The following MUC4 variants were observed in gnomAD, a reference collection of about 807,000 sequenced individuals.
The protein encoded by MUC4 is mucin 4, cell surface associated, also known as mucin-4.
Under a neutral mutation model 257.9 loss-of-function variants are expected in MUC4, and 202 were observed. That is an observed-to-expected ratio of 0.78 (90% CI 0.70 to 0.88). The LOEUF is 0.88. Among genes scored for constraint, MUC4 ranks in the 40% least tolerant of loss-of-function variants. The pLI is 0.00. For synonymous variants in MUC4, 2,351 were observed against 2,757.1 expected (o/e 0.85, Z 4.62); for missense variants, 5,976 against 6,513.7 (o/e 0.92, Z 2.84).
At chr3:195,763,717 G>T (rs1252569523) in intron 11 of MUC4, 76 bp from the exon 12 acceptor site, 1 of 1,351,798 alleles carries the variant, frequency 7.4e-7, no homozygotes, top group Non-Finnish European at 9.9e-7. Flanking sequence ...GCAGTCAGGT[G>T]CGGCACTTGT....
intron 6 of MUC4, 26 bp downstream of exon 6, chr3:195,770,190 T>C (rs1175553691): frequency 6.5e-7 from 1 of 1,547,266 alleles, no homozygotes; most frequent in African/African-American, 1.4e-5. Flanking sequence ...AGATAGCTCC[T>C]GGGAGCTGCC....
At chr3:195,762,023 G>C in intron 14 of MUC4, 64 bp downstream of exon 14, 1 of 1,507,724 alleles carries the variant, frequency 6.6e-7, no homozygotes, top group Non-Finnish European at 8.9e-7. Flanking sequence ...CGGGCCGCCG[G>C]CGTGGGGGTC....
chr3:195,767,556 T>C (rs796377589), intron 7 of MUC4, among the ~76,000 whole-genome samples: 506 of 22,128 alleles, frequency 0.023, 2 homozygotes, highest in East Asian at 0.055. Flanking sequence ...CCATCACCAT[T>C]ACCATTGCCA....
At chr3:195,808,670 T>C (rs530421248) in intron 1 of MUC4, among the ~76,000 whole-genome samples, 2 of 152,328 alleles carry the variant, frequency 1.3e-5, no homozygotes, top group East Asian at 3.9e-4. Flanking sequence ...GCGTCGCTGA[T>C]GCTGGACCTC....
At chr3:195,767,691 C>T (rs1477428109) in intron 7 of MUC4, among the ~76,000 whole-genome samples, 2 of 1,214 alleles carry the variant, frequency 1.6e-3, no homozygotes, top group South Asian at 0.023. Context: ...TCACTGGCCA[C>T]CCCCCAAAAA....
chr3:195,750,991 C>T lies in MUC4; in HGVS notation c.15769G>A (p.Val5257Met). Reference protein sequence around the residue: ...FLNNQLLAAVVEAFLYHVPRR... With the variant: ...FLNNQLLAAVMEAFLYHVPRR... ...GGAACGTGGTATAAGAACGCCTCCACCACCGCGGCCAGCAGCTGGTTGTTC... is the reference window on the plus strand; with the variant it reads ...GGAACGTGGTATAAGAACGCCTCCATCACCGCGGCCAGCAGCTGGTTGTTC... Residue 5257 changes from valine (V) to methionine (M), a missense_variant, in exon 23 of 25, where the codon GTG becomes ATG. By Grantham distance (21) the Val-to-Met change is conservative. Around this residue, in one of 44 missense-constraint regions of MUC4, gnomAD observed 310 missense variants for 242.1 expected, o/e 1.28. Coordinates refer to ENST00000463781, the MANE Select transcript of MUC4 (RefSeq NM_018406.7). 1.2e-6 allele frequency: 2 copies of T among 1,614,078 alleles called. No individual in the cohort carries two copies. Among genetic ancestry groups the T allele is most frequent in the Non-Finnish European group, 1.7e-6 (2 of 1,180,024 alleles).
intron 1 of MUC4, among the ~76,000 whole-genome samples, chr3:195,803,606 T>A (rs1735620696): frequency 6.6e-6 from 1 of 152,242 alleles, no homozygotes. Flanking sequence ...CATGTTCATG[T>A]GGTGCTTTAT....
At position 195,747,308 on chromosome 3, in the gene MUC4, G is replaced by A; in HGVS notation, c.16107C>T (p.Phe5369=). Residue 5369 remains phenylalanine (F), a synonymous_variant, in exon 25 of 25, where the codon TTC becomes TTT. Transcript: ENST00000463781. ...CCAGGGCCCCAAAGAAGATGCCGAA[G>A]AACGCGTCGAGTTTCATGCTCAGGT... ...CEHLSMKLDA[F]FGIFFGALGG... The A allele has an allele frequency of 6.2e-7, 1 of 1,614,160 alleles. No individual in the cohort carries two copies. Among genetic ancestry groups the A allele is most frequent in the Admixed American group, 1.7e-5 (1 of 60,034 alleles).
chr3:195,760,313 C>T (rs1368426445), intron 16 of MUC4, among the ~76,000 whole-genome samples: 3 of 152,104 alleles, frequency 2.0e-5, no homozygotes, highest in Non-Finnish European at 2.9e-5. Flanking sequence ...GGAATGAAGA[C>T]GTAAAGAAGG....
chr3:195,774,061 G>A (rs943621735), intron 4 of MUC4, 111 bp downstream of exon 4: 1 of 1,334,642 alleles, frequency 7.5e-7, no homozygotes. Flanking sequence ...GATGGACGAG[G>A]GGCCCAGCCA....
intron 4 of MUC4, among the ~76,000 whole-genome samples, chr3:195,772,267 C>G (rs1198303670): frequency 6.6e-6 from 1 of 151,774 alleles, no homozygotes; most frequent in Non-Finnish European, 1.5e-5. Flanking sequence ...CTCTCCATCG[C>G]TCAGGGGTGC....
At chr3:195,762,345 C>G in intron 13 of MUC4, 91 bp from the exon 14 acceptor site, 1 of 1,371,502 alleles carries the variant, frequency 7.3e-7, no homozygotes, top group Non-Finnish European at 9.8e-7. Flanking sequence ...CCACCCCCAC[C>G]CCGCCCCTGG....
At chr3:195,795,164 T>G (rs886763859) in intron 1 of MUC4, among the ~76,000 whole-genome samples, 2 of 152,246 alleles carry the variant, frequency 1.3e-5, no homozygotes, top group African/African-American at 4.8e-5. Flanking sequence ...TTTTTAACCT[T>G]ATTTCATTTC....
rs1715178865 is a variant in MUC4, at chr3:195,747,121, A to T, written c.*55T>A. ...GTCTCCCAAAAGCAATGGCGCCTTAAATGTGCGGTAAGGATGAGGTGAGTC... is the reference window on the plus strand; with the variant it reads ...GTCTCCCAAAAGCAATGGCGCCTTATATGTGCGGTAAGGATGAGGTGAGTC... On this transcript the variant is annotated 3_prime_UTR_variant, in exon 25 of 25. Transcript: ENST00000463781. 3 of 1,603,580 alleles carry T rather than the reference A, an allele frequency of 1.9e-6. No homozygotes were observed. The highest frequency in any genetic ancestry group is 2.2e-5 in the East Asian group (1 of 44,830).
Position 195,782,691 on chromosome 3 carries a change from G to C in MUC4, c.8889C>G (p.Val2963=). 1 of 1,333,616 alleles carries C rather than the reference G, an allele frequency of 7.5e-7. No individual in the cohort carries two copies. The highest frequency in any genetic ancestry group is 1.3e-5 in the South Asian group (1 of 76,338). The allele number at this position is 1,333,616 out of a possible 1,614,324, so 82.6% of individuals were successfully genotyped here. A position where few individuals can be genotyped will look rare whatever the true frequency, so the allele number is the denominator to read the frequency against. ...ASTGHATSLP[V]TDTSSASTGH... ...CTGTGGATGCTGAGGAAGTGTCGGT[G>C]ACAGGAAGAGAGGTGGCGTGACCTG... Residue 2963 remains valine (V), a synonymous_variant, in exon 2 of 25, where the codon GTC becomes GTG. Coordinates refer to ENST00000463781, the MANE Select transcript of MUC4 (RefSeq NM_018406.7).
chr3:195,766,836 CGGTCAGCAGCT>C (rs1720614708), intron 7 of MUC4, 85 bp from the exon 8 acceptor site: 2 of 1,237,092 alleles, frequency 1.6e-6, no homozygotes, highest in African/African-American at 3.0e-5. Flanking sequence ...TCCCGCTAGC[CGGTCAGCAGCT>C]GGTCAACCAG....
rs533873966 is a variant in MUC4 at position 195,760,928 on chromosome 3, G to T, written c.14804C>A (p.Thr4935Lys). The stretch of plus-strand genomic sequence containing the variant: ...CTCGTAGTTTTTACTGACTTCCCTC[G>T]TGTGAAGTCCGATGCTTGCGTTGCG... ...ALRNASIGLH[T>K]REVSKNYEQA... is the part of the protein sequence containing the mutation. The change falls in exon 16 of 25, where the codon ACG becomes AAG. Residue 4935 changes from threonine to lysine, a missense_variant. Transcript: ENST00000463781. 2 of 1,614,190 alleles carry T rather than the reference G, an allele frequency of 1.2e-6. No individual in the cohort carries two copies. Among genetic ancestry groups the T allele is most frequent in the African/African-American group, 1.3e-5 (1 of 75,054 alleles).
Position 195,782,573 on chromosome 3 carries a change from T to C in MUC4, c.9007A>G (p.Ile3003Val). 1 of 915,922 alleles carries C rather than the reference T, an allele frequency of 1.1e-6. No homozygotes were observed. Among genetic ancestry groups the C allele is most frequent in the Non-Finnish European group, 1.6e-6 (1 of 644,754 alleles). 56.7% of individuals were successfully genotyped at this position (915,922 alleles called of 1,614,324 possible). A position where few individuals can be genotyped will look rare whatever the true frequency, so the allele number is the denominator to read the frequency against. Residue 3003 changes from isoleucine to valine, a missense_variant, in exon 2 of 25, where the codon ATA becomes GTA. This residue lies in a region of MUC4 where 68 missense variants were observed against 50.2 expected (regional missense o/e 1.35). Transcript: ENST00000463781. ...LPVTDTSSAS[I>V]GHATSLPVTD... ...ACAGGAAGAGAGGTGGCGTGACCTA[T>C]GGATGCTGAGGAAGTGTCGGTGACA...
In MUC4 at chr3:195,788,811, G is replaced by C. The variant is rs1219904969; in HGVS notation, c.2769C>G (p.Ser923Arg). ...TRTSRGSDTI[S>R]LASQATDTFS... is the part of the protein sequence containing the mutation. ...AGGTGTCGGTTGCCTGGGACGCCAG[G>C]CTGATAGTGTCAGACCCTCTGCTGG... is the stretch of plus-strand genomic sequence containing the variant. Residue 923 changes from serine (S) to arginine (R), a missense_variant, in exon 2 of 25, where the codon AGC becomes AGG. This residue lies in a region of MUC4 where 1,583 missense variants were observed against 1,257.4 expected (regional missense o/e 1.26). Coordinates refer to ENST00000463781, the MANE Select transcript of MUC4 (RefSeq NM_018406.7). The C allele has an allele frequency of 6.2e-7, 1 of 1,613,924 alleles. No homozygotes were observed. The highest frequency in any genetic ancestry group is 1.1e-5 in the South Asian group (1 of 91,082).
Sources: allele counts gnomAD v4.1 joint callset (sites outside exome capture counted in the v4.1 genomes callset), GRCh38; gene constraint gnomAD v4.1.1; regional missense constraint gnomAD v4.1.1; transcripts MANE v1.5; gene names NCBI Gene and HGNC (gene_info 2026-07-23, HGNC 2026-07-21).